BRMS1L: variants seen among roughly 807,000 people sequenced by gnomAD.
The protein encoded by BRMS1L is breast cancer metastasis-suppressor 1-like protein.
A neutral mutation model predicts 50.3 loss-of-function variants in BRMS1L; 23 were observed. The observed-to-expected ratio is 0.46, with a 90% confidence interval of 0.33 to 0.65. The LOEUF is 0.65. Ranked by LOEUF, BRMS1L falls within the 30% of genes least tolerant of loss-of-function variation. The pLI is 0.02. For synonymous variants in BRMS1L, 114 were observed against 126.9 expected, an observed-to-expected ratio of 0.90 and a Z score of 0.69; for missense variants, 286 against 386.1, an observed-to-expected ratio of 0.74 and a Z score of 2.17.
intron 4 of BRMS1L, among the ~76,000 whole-genome samples, chr14:35,838,421 T>C (rs1306180539): frequency 6.6e-6 from 1 of 152,370 alleles, no homozygotes; most frequent in East Asian, 1.9e-4. Flanking sequence ...GTGGTATTTC[T>C]GGTTCTAGAT....
intron 4 of BRMS1L, among the ~76,000 whole-genome samples, chr14:35,857,992 A>G (rs1382158640): frequency 6.8e-6 from 1 of 147,158 alleles, no homozygotes; most frequent in Non-Finnish European, 1.5e-5. Flanking sequence ...AGAGCATGTT[A>G]CCTAATGGAC....
chr14:35,829,490 A>G (rs1460768685), intron 1 of BRMS1L, among the ~76,000 whole-genome samples: 1 of 152,246 alleles, frequency 6.6e-6, no homozygotes, highest in Non-Finnish European at 1.5e-5. Context: ...AAATTGTTTA[A>G]ATAAATTTTG....
chr14:35,869,489 A>G (rs2078460663), intron 9 of BRMS1L, among the ~76,000 whole-genome samples: 1 of 151,840 alleles, frequency 6.6e-6, no homozygotes, highest in South Asian at 2.1e-4. Context: ...GTGGCCCTGC[A>G]TTTTAACCTG....
At chr14:35,850,759 T>G (rs2078201387) in intron 4 of BRMS1L, among the ~76,000 whole-genome samples, 1 of 152,230 alleles carries the variant, frequency 6.6e-6, no homozygotes, top group South Asian at 2.1e-4. Context: ...TTGTGTGTGT[T>G]GTACAATAAG....
In BRMS1L at chr14:35,870,439, C is replaced by A; in HGVS notation, c.934C>A (p.Gln312Lys). The change falls in exon 10 of 10, where the codon CAG becomes AAG. Residue 312 changes from glutamine to lysine, a missense_variant. Coordinates refer to ENST00000216807, the MANE Select transcript of BRMS1L (RefSeq NM_032352.4). ...DGSKSKLYIS[Q>K]LQKGKYSIKH... ...AAGCAAATCTAAGCTTTACATTTCA[C>A]AGCTACAGAAAGGAAAATATTCAAT... The A allele has an allele frequency of 6.2e-7, 1 of 1,607,100 alleles. No individual in the cohort carries two copies. The highest frequency in any genetic ancestry group is 8.5e-7 in the Non-Finnish European group (1 of 1,176,150).
intron 2 of BRMS1L, among the ~76,000 whole-genome samples, 175 bp from the exon 3 acceptor site, chr14:35,832,803 T>C (rs970967516): frequency 6.6e-6 from 1 of 152,230 alleles, no homozygotes. Context: ...GTTTTGTGAT[T>C]ATGTGCATAA....
intron 7 of BRMS1L, among the ~76,000 whole-genome samples, 187 bp from the exon 8 acceptor site, chr14:35,865,535 A>G (rs2078409267): frequency 6.6e-6 from 1 of 152,148 alleles, no homozygotes; most frequent in African/African-American, 2.4e-5. Context: ...TCTAGGAGAA[A>G]TTGTTATCCC....
chr14:35,850,120 CTGAAGAA>C, intron 4 of BRMS1L, among the ~76,000 whole-genome samples: 1 of 152,044 alleles, frequency 6.6e-6, no homozygotes, highest in East Asian at 1.9e-4. Context: ...CTGTGCCCGG[CTGAAGAA>C]TTTCTTATAT....
chr14:35,865,060 TG>T (rs1277356147), intron 7 of BRMS1L, 61 bp downstream of exon 7: 18 of 1,239,810 alleles, frequency 1.5e-5, no homozygotes, highest in Non-Finnish European at 1.8e-5. Flanking sequence ...TAAGATTCTA[TG>T]TTTTTTTTGT....
In BRMS1L at chr14:35,857,236, G is replaced by A. The variant is rs899199675; in HGVS notation, c.442-5354G>A. Among the ~76,000 whole-genome samples the A allele has an allele frequency of 3.0e-5, 4 of 134,454 alleles. No homozygotes were observed. The South Asian group carries it at 7.1e-4, about 24-fold the overall frequency. The allele number at this position is 134,454 out of a possible 152,430, so 88.2% of individuals were successfully genotyped here. On this transcript the variant is annotated intron_variant, in intron 4 of 9. Coordinates refer to ENST00000216807, the MANE Select transcript of BRMS1L (RefSeq NM_032352.4). ...AGCCTGGGCGACAGAGCAAGACTCC[G>A]TCTCAAAAAAAAAAATATATATATA...
At chr14:35,853,828 A>T (rs567065216) in intron 4 of BRMS1L, among the ~76,000 whole-genome samples, 5 of 152,272 alleles carry the variant, frequency 3.3e-5, no homozygotes, top group African/African-American at 9.6e-5. Context: ...TAATTTATCA[A>T]GTTTTAAAAA....
chr14:35,869,057 G>T (rs2142066933), intron 9 of BRMS1L, among the ~76,000 whole-genome samples: 1 of 152,252 alleles, frequency 6.6e-6, no homozygotes, highest in African/African-American at 2.4e-5. Flanking sequence ...TTAGTCTACA[G>T]TATGCATTTT....
intron 4 of BRMS1L, among the ~76,000 whole-genome samples, chr14:35,838,750 C>T (rs1381997751): frequency 6.6e-6 from 1 of 151,854 alleles, no homozygotes; most frequent in East Asian, 1.9e-4. Flanking sequence ...GTTTAAGTTG[C>T]TTGTAGATTC....
At chr14:35,843,659 G>A (rs150580344) in intron 4 of BRMS1L, among the ~76,000 whole-genome samples, 229 of 152,390 alleles carry the variant, frequency 1.5e-3, no homozygotes, top group African/African-American at 5.1e-3. Flanking sequence ...AGGCACAGGG[G>A]TCAGGGACCC....
intron 4 of BRMS1L, among the ~76,000 whole-genome samples, chr14:35,854,194 TC>T (rs1421378556): frequency 2.6e-4 from 40 of 152,326 alleles, no homozygotes; most frequent in Admixed American, 2.6e-3. Context: ...CCATGCAGGC[TC>T]CTTTTTGCTT....
At chr14:35,848,387 A>G (rs1595668608) in intron 4 of BRMS1L, among the ~76,000 whole-genome samples, 1 of 152,028 alleles carries the variant, frequency 6.6e-6, no homozygotes, top group Non-Finnish European at 1.5e-5. Context: ...CTCTGTTGCT[A>G]TGTGAGTCTT....
At chr14:35,864,657 C>CA (rs1300519852) in intron 6 of BRMS1L, among the ~76,000 whole-genome samples, 3 of 152,160 alleles carry the variant, frequency 2.0e-5, no homozygotes. Context: ...CCTCTACCCC[C>CA]ATCTTTTCCC....
chr14:35,865,099 T>C, intron 7 of BRMS1L, 100 bp downstream of exon 7: 1 of 878,764 alleles, frequency 1.1e-6, no homozygotes, highest in African/African-American at 1.8e-5. Context: ...ATTGTAAATA[T>C]GCTTTGCTTT....
chr14:35,854,786 A>C (rs1186950798), intron 4 of BRMS1L, among the ~76,000 whole-genome samples: 2 of 152,218 alleles, frequency 1.3e-5, no homozygotes, highest in Non-Finnish European at 2.9e-5. Flanking sequence ...AGCACTGGTC[A>C]GAGGATGTAG....
Sources: gnomAD v4.1 joint callset for allele counts (sites outside exome capture counted in the v4.1 genomes callset) on GRCh38, gnomAD v4.1.1 for gene constraint, MANE v1.5 for transcripts, NCBI Gene and HGNC (gene_info 2026-07-23, HGNC 2026-07-21) for gene names.